Variants in YTHDC1 observed in about 807,000 individuals in gnomAD.
YTHDC1 encodes YTH domain-containing protein 1.
Under a neutral mutation model 107.0 loss-of-function variants are expected in YTHDC1, and 12 were observed. The observed-to-expected ratio is 0.11, with a 90% confidence interval of 0.07 to 0.18. The LOEUF is 0.18. YTHDC1 is among the 10% of genes least tolerant of loss of function. The probability of loss-of-function intolerance (pLI) is 1.00; values close to 1 mark genes in which losing one functional copy is unlikely to be tolerated. For missense variants in YTHDC1, 635 were observed against 898.8 expected (o/e 0.71, Z 3.75); for synonymous variants, 280 against 289.5 (o/e 0.97, Z 0.33).
chr4:68,332,965 C>G (rs1723758137), intron 5 of YTHDC1, 118 bp from the exon 6 acceptor site: 5 of 833,052 alleles, frequency 6.0e-6, no homozygotes, highest in Non-Finnish European at 9.4e-6. Flanking sequence ...CTGGCGCACC[C>G]ACACACACAA....
rs747507075 is a variant in YTHDC1, at chr4:68,337,587, C to T, written c.444G>A (p.Thr148=). 1.9e-5 allele frequency: 30 copies of T among 1,609,258 alleles called. No homozygotes were observed. The highest frequency in any genetic ancestry group is 2.2e-5 in the Non-Finnish European group (26 of 1,178,770). The change falls in exon 3 of 17, where the codon ACG becomes ACA. Residue 148 remains threonine (T), a synonymous_variant. Transcript: ENST00000344157. ...TATTTACTACCTCAGAACCATCTGGCGTAGGAGATTTGGCCCTCCTTTCAG... is the reference window on the plus strand; with the variant it reads ...TATTTACTACCTCAGAACCATCTGGTGTAGGAGATTTGGCCCTCCTTTCAG... ...RDPERRAKSP[T]PDGSERIGLE...
intron 1 of YTHDC1, 135 bp from the exon 2 acceptor site, chr4:68,338,519 A>G (rs1356866270): frequency 1.7e-6 from 1 of 605,726 alleles, no homozygotes; most frequent in African/African-American, 1.9e-5. Flanking sequence ...TTTATTTCAG[A>G]ATCAAGACAC....
At chr4:68,338,871 G>A (rs1412732078) in intron 1 of YTHDC1, among the ~76,000 whole-genome samples, 2 of 152,112 alleles carry the variant, frequency 1.3e-5, no homozygotes, top group Admixed American at 1.3e-4. Flanking sequence ...CACACAAACA[G>A]AAGTCTGGGC....
rs1356093803 is a variant in YTHDC1, at chr4:68,337,342, A to G, written c.568T>C (p.Ser190Pro). The G allele has an allele frequency of 6.2e-7, 1 of 1,613,894 alleles. No homozygotes were observed. Among genetic ancestry groups the G allele is most frequent in the East Asian group, 2.2e-5 (1 of 44,884 alleles). ...GTGTTGTTCCCTTGCTCATCAGAAGAACCACTGCTGCCAGTCTCATGGTCA... is the reference window on the plus strand; with the variant it reads ...GTGTTGTTCCCTTGCTCATCAGAAGGACCACTGCTGCCAGTCTCATGGTCA... Reference protein sequence around the residue: ...GSDHETGSSGSSDEQGNNTEN... With the variant: ...GSDHETGSSGPSDEQGNNTEN... The change falls in exon 4 of 17, where the codon TCT (serine) becomes CCT (proline). Residue 190 changes from serine to proline, a missense_variant. Transcript: ENST00000344157.
intron 1 of YTHDC1, among the ~76,000 whole-genome samples, chr4:68,346,076 T>TAC (rs1221091394): frequency 1.4e-4 from 9 of 64,016 alleles, no homozygotes; most frequent in South Asian, 6.5e-4. Context: ...ACTGTGTGTG[T>TAC]ACATATATAT....
rs980724496 is a variant in YTHDC1, at chr4:68,337,773, A to G, written c.258T>C (p.Ser86=). 2.5e-6 allele frequency: 4 copies of G among 1,614,132 alleles called. No individual in the cohort carries two copies. The highest frequency in any genetic ancestry group is 1.7e-5 in the Admixed American group (1 of 60,006). ...ACTCTGTGGCTGACTTTCCTTTTGTACTAACTATTCTTTTGTTATTGCTAA... is the reference window on the plus strand; with the variant it reads ...ACTCTGTGGCTGACTTTCCTTTTGTGCTAACTATTCTTTTGTTATTGCTAA... ...SSVSNNKRIV[S]TKGKSATEYK... The change falls in exon 3 of 17, where the codon AGT becomes AGC. Residue 86 remains serine, a synonymous_variant. Transcript: ENST00000344157.
rs751633520 is a variant in YTHDC1 at position 68,316,493 on chromosome 4, T to TC, written c.1825-46_1825-45insG. 6.9e-6 allele frequency: 11 copies of TC among 1,585,738 alleles called. No individual in the cohort carries two copies. In the South Asian group the frequency reaches 1.3e-4, roughly 18 times the overall value. ...TACATTAAGAATCTACCAACACCCT[T>TC]GTAAACAAGCGATTCTTAGAACCCT... On this transcript the variant is annotated intron_variant, in intron 15 of 16. Transcript: ENST00000344157.
At chr4:68,346,069 G>A (rs1725382630) in intron 1 of YTHDC1, among the ~76,000 whole-genome samples, 1 of 83,548 alleles carries the variant, frequency 1.2e-5, no homozygotes, top group African/African-American at 4.8e-5. Context: ...GCACATGACT[G>A]TGTGTGTACA....
chr4:68,317,235 G>C (rs1318809922), intron 15 of YTHDC1, among the ~76,000 whole-genome samples: 1 of 151,962 alleles, frequency 6.6e-6, no homozygotes, highest in African/African-American at 2.4e-5. Flanking sequence ...CAAAAAAAAA[G>C]TCCAGGAGCA....
In YTHDC1 at chr4:68,322,547, AT is replaced by A. The variant is rs1483940627; in HGVS notation, c.1601+201del. 1.7e-6 allele frequency: 1 copy of A among 577,274 alleles called. No individual in the cohort carries two copies. Among genetic ancestry groups the A allele is most frequent in the Non-Finnish European group, 3.0e-6 (1 of 336,884 alleles). 35.8% of individuals were successfully genotyped at this position (577,274 alleles called of 1,614,324 possible). ...TATACTTTTTTCTGCATAAGGAAAG[AT>A]CCCCATTTTCCTCTTGAAAAATGAC... On this transcript the variant is annotated intron_variant, in intron 11 of 16. Coordinates refer to ENST00000344157, the MANE Select transcript of YTHDC1 (RefSeq NM_001031732.4). The surrounding 1 kb of genome is among the most constrained non-coding windows in gnomAD (Gnocchi z 4.8).
rs1036911483 is a variant in YTHDC1 at position 68,332,331 on chromosome 4, G to A, written c.1028-134C>T. ...AACGCAACAATCACCCATTCAACCT[G>A]GAAGGCTAAGCCACATGTAATAAAG... On this transcript the variant is annotated intron_variant, in intron 6 of 16. Coordinates refer to ENST00000344157, the MANE Select transcript of YTHDC1 (RefSeq NM_001031732.4). 1.4e-5 allele frequency: 7 copies of A among 505,694 alleles called. No homozygotes were observed. The Admixed American group carries it at 2.8e-4, about 20-fold the overall frequency. The allele number at this position is 505,694 out of a possible 1,614,324, so 31.3% of individuals were successfully genotyped here.
rs1236856516 is a variant in YTHDC1 at position 68,313,858 on chromosome 4, G to A, written c.*241C>T. On this transcript the variant is annotated 3_prime_UTR_variant, in exon 17 of 17. Coordinates refer to ENST00000344157, the MANE Select transcript of YTHDC1 (RefSeq NM_001031732.4). ...GAATCAGTATCTACATTCTTGGACT[G>A]TTCCATTCTGCCCCAATAAAAGTGT... The A allele has an allele frequency of 3.9e-5, 22 of 570,268 alleles. No homozygotes were observed. Among genetic ancestry groups the A allele is most frequent in the Non-Finnish European group, 6.2e-6 (2 of 321,926 alleles). 35.3% of individuals were successfully genotyped at this position (570,268 alleles called of 1,614,324 possible).
rs898118710 is a variant in YTHDC1, at chr4:68,312,351, T to C, written c.*1748A>G. 5.3e-5 allele frequency: 8 copies of C among 152,308 alleles called. No individual in the cohort carries two copies. The highest frequency in any genetic ancestry group is 1.9e-4 in the African/African-American group (8 of 41,574). 9.4% of individuals were successfully genotyped at this position (152,308 alleles called of 1,614,324 possible). A position where few individuals can be genotyped will look rare whatever the true frequency, so the allele number is the denominator to read the frequency against. ...TTATTTCAGGAAAATACCTTTAATA[T>C]TACCTACCAGTTTTGTATAATGGTT... On this transcript the variant is annotated 3_prime_UTR_variant, in exon 17 of 17. Coordinates refer to ENST00000344157, the MANE Select transcript of YTHDC1 (RefSeq NM_001031732.4).
chr4:68,340,829 A>T (rs1724727674), intron 1 of YTHDC1, among the ~76,000 whole-genome samples: 1 of 152,096 alleles, frequency 6.6e-6, no homozygotes, highest in Admixed American at 6.5e-5. Context: ...AGACATGCTA[A>T]ATTTAATACA....
At chr4:68,341,529 G>T in intron 1 of YTHDC1, among the ~76,000 whole-genome samples, 1 of 151,662 alleles carries the variant, frequency 6.6e-6, no homozygotes, top group African/African-American at 2.4e-5. Context: ...ATGGCCCATT[G>T]CCTATTTAGA....
At chr4:68,349,631 A>ACC in intron 1 of YTHDC1, 95 bp downstream of exon 1, 1 of 258,544 alleles carries the variant, frequency 3.9e-6, no homozygotes, top group Non-Finnish European at 7.7e-6. Flanking sequence ...AACCTCCCCA[A>ACC]CCCCCACCCC....
intron 2 of YTHDC1, 62 bp downstream of exon 2, chr4:68,338,221 A>G: frequency 6.9e-7 from 1 of 1,448,022 alleles, no homozygotes; most frequent in Non-Finnish European, 9.4e-7. Context: ...ATTTTTTTTA[A>G]GAAATTGAAT....
At position 68,314,140 on chromosome 4, in the gene YTHDC1, G is replaced by A. The variant is rs1211694675; in HGVS notation, c.2143C>T (p.Arg715Ter). The change falls in exon 17 of 17, where the codon CGA (arginine) becomes TGA (stop). Residue 715 changes from arginine to a stop codon, truncating the protein, a stop_gained. Coordinates refer to ENST00000344157, the MANE Select transcript of YTHDC1 (RefSeq NM_001031732.4). LOFTEE classifies it high-confidence loss of function. The stretch of plus-strand genomic sequence containing the variant: ...CCTCTCTCCCCTCGGTCTCTGTCTC[G>A]ATCACATAATCGCTCTCTTTCTCTT... ...RERERERLCD[R>*]DRDRGERGRY... The A allele has an allele frequency of 2.5e-6, 4 of 1,613,464 alleles. No individual in the cohort carries two copies. Among genetic ancestry groups the A allele is most frequent in the Non-Finnish European group, 2.5e-6 (3 of 1,179,870 alleles).
At chr4:68,321,146 TCTTTTTAACC>T (rs1365271500) in intron 11 of YTHDC1, among the ~76,000 whole-genome samples, 1 of 152,154 alleles carries the variant, frequency 6.6e-6, no homozygotes, top group Non-Finnish European at 1.5e-5. Flanking sequence ...AATAAATATA[TCTTTTTAACC>T]TTAATGTCAA....
Sources: gnomAD v4.1 joint callset for allele counts (sites outside exome capture counted in the v4.1 genomes callset) on GRCh38, gnomAD v4.1.1 for gene constraint, Gnocchi (gnomAD v3.1) non-coding constraint, MANE v1.5 for transcripts, NCBI Gene and HGNC (gene_info 2026-07-23, HGNC 2026-07-21) for gene names.